Variants in FLNB observed in about 807,000 individuals in gnomAD.
The protein encoded by FLNB is filamin B.
A neutral mutation model predicts 250.6 loss-of-function variants in FLNB; 111 were observed. The ratio of observed to expected loss-of-function variants is 0.44; its 90% CI spans 0.38 to 0.52. FLNB has a LOEUF of 0.52. FLNB is among the 20% of genes least tolerant of loss of function. The pLI, the probability that FLNB is intolerant of heterozygous loss-of-function variation, is 0.00. For missense variants in FLNB, 2,869 were observed against 3,447.8 expected, an observed-to-expected ratio of 0.83 and a Z score of 4.20; for synonymous variants, 1,302 against 1,372.1, an observed-to-expected ratio of 0.95 and a Z score of 1.13.
chr3:58,087,554 A>G (rs2097219191), intron 4 of FLNB, among the ~76,000 whole-genome samples: 1 of 151,826 alleles, frequency 6.6e-6, no homozygotes, highest in South Asian at 2.1e-4. Context: ...CCCGGGTTCA[A>G]GCGTTCTCCT....
rs557255656 is a variant in FLNB at position 58,145,850 on chromosome 3, T to A, written c.5426-71T>A. On this transcript the variant is annotated intron_variant, in intron 32 of 45. Transcript: ENST00000295956. ...ACCTGTAGAGAGGTGGACGTCAAGA[T>A]GCCAGTTGTCCAGGGTCTTCGTTCA... 5.0e-6 allele frequency: 8 copies of A among 1,603,706 alleles called. No homozygotes were observed. In the Admixed American group the frequency reaches 1.2e-4, roughly 23 times the overall value.
chr3:58,072,751 G>A (rs891265509), intron 1 of FLNB, among the ~76,000 whole-genome samples: 1 of 152,112 alleles, frequency 6.6e-6, no homozygotes. Context: ...ACCATAAAGG[G>A]GGCTTTCCCG....
At chr3:58,150,657 C>T in intron 38 of FLNB, 1 of 274,516 alleles carries the variant, frequency 3.6e-6, no homozygotes, top group Non-Finnish European at 7.1e-6. Flanking sequence ...GGCTGTGCTG[C>T]AGAACTCGCT....
chr3:58,026,756 T>C (rs1177725135), intron 1 of FLNB, among the ~76,000 whole-genome samples: 4 of 152,224 alleles, frequency 2.6e-5, no homozygotes, highest in Admixed American at 2.6e-4. Context: ...CTGTTCATAA[T>C]TGGGCCAGAT....
At chr3:58,134,273 G>C (rs1413356492) in intron 26 of FLNB, among the ~76,000 whole-genome samples, 1 of 152,210 alleles carries the variant, frequency 6.6e-6, no homozygotes, top group Non-Finnish European at 1.5e-5. Flanking sequence ...CACACTCCTT[G>C]TGAGAATCTA....
intron 1 of FLNB, among the ~76,000 whole-genome samples, chr3:58,022,441 C>T (rs2097115479): frequency 1.3e-5 from 2 of 152,158 alleles, no homozygotes; most frequent in Non-Finnish European, 2.9e-5. Flanking sequence ...ATTCTCTGGA[C>T]ATCTGTGATT....
At chr3:58,013,954 C>A (rs2097102373) in intron 1 of FLNB, among the ~76,000 whole-genome samples, 1 of 152,222 alleles carries the variant, frequency 6.6e-6, no homozygotes. Flanking sequence ...TGGTTCAAAT[C>A]CCACTTGCCA....
intron 1 of FLNB, among the ~76,000 whole-genome samples, chr3:58,053,248 T>C (rs924495798): frequency 6.6e-6 from 1 of 152,184 alleles, no homozygotes; most frequent in Non-Finnish European, 1.5e-5. Flanking sequence ...ACATTATTAT[T>C]ATTTTTTAGA....
At chr3:58,045,999 CAAAAAAAAAAA>C (rs34327981) in intron 1 of FLNB, among the ~76,000 whole-genome samples, 1 of 68,972 alleles carries the variant, frequency 1.4e-5, no homozygotes, top group Non-Finnish European at 2.6e-5. Flanking sequence ...ACTCCGTCTC[CAAAAAAAAAAA>C]AAAAAAAAAA....
rs201624211 is a variant in FLNB, at chr3:58,098,674, G to A, written c.1148-37G>A. Reference sequence around the variant, plus strand: ...TCAGCAGCAGTGAGCTTTCAGAGAGGGTGACTTGGGCTCATGGAATGCTTG... The same window carrying A: ...TCAGCAGCAGTGAGCTTTCAGAGAGAGTGACTTGGGCTCATGGAATGCTTG... On this transcript the variant is annotated intron_variant, in intron 7 of 45. Coordinates refer to ENST00000295956, the MANE Select transcript of FLNB (RefSeq NM_001457.4). 5.1e-5 allele frequency: 82 copies of A among 1,606,914 alleles called. No homozygotes were observed. The East Asian group carries it at 1.3e-3, about 25-fold the overall frequency.
chr3:58,019,066 G>A (rs1205926771), intron 1 of FLNB, among the ~76,000 whole-genome samples: 1 of 152,040 alleles, frequency 6.6e-6, no homozygotes, highest in Admixed American at 6.6e-5. Context: ...GAGCCCAGGA[G>A]TTTGAGTCTG....
chr3:58,027,698 A>T lies in FLNB; in HGVS notation c.292+18842A>T, dbSNP rs548175386. Reference sequence around the variant, plus strand: ...ACTAGGTCTGTGTCCCCCAAGCTTCAATCATTTGTAAAGGAACCACCTTTA... The same window carrying T: ...ACTAGGTCTGTGTCCCCCAAGCTTCTATCATTTGTAAAGGAACCACCTTTA... On this transcript the variant is annotated intron_variant, in intron 1 of 45. Coordinates refer to ENST00000295956, the MANE Select transcript of FLNB (RefSeq NM_001457.4). 5.3e-5 allele frequency among the ~76,000 whole-genome samples: 8 copies of T among 152,288 alleles called. No homozygotes were observed. In the East Asian group the frequency reaches 1.5e-3, roughly 29 times the overall value.
At chr3:58,139,515 G>A (rs148059674) in intron 29 of FLNB, among the ~76,000 whole-genome samples, 24 of 152,292 alleles carry the variant, frequency 1.6e-4, no homozygotes, top group East Asian at 7.7e-4. Context: ...ACTTTCTTCC[G>A]AACAGTCTAT....
intron 1 of FLNB, among the ~76,000 whole-genome samples, chr3:58,062,615 C>G (rs1021111519): frequency 2.0e-5 from 3 of 152,228 alleles, no homozygotes; most frequent in African/African-American, 7.2e-5. Context: ...CCCAGCCTGG[C>G]CCCTGCAGAC....
chr3:58,086,159 C>CTT (rs10706045), intron 4 of FLNB, among the ~76,000 whole-genome samples: 1 of 141,548 alleles, frequency 7.1e-6, no homozygotes, highest in Non-Finnish European at 1.5e-5. Flanking sequence ...CCATGTCCAG[C>CTT]TTTTTTTTTT....
rs1034320617 is a variant in FLNB at position 58,070,158 on chromosome 3, G to A, written c.293-6888G>A. The stretch of plus-strand genomic sequence containing the variant: ...CGCCTCCTGGGTTCAAGTGATTTTC[G>A]TGCCTCAGCCTCCCAAGTAGCTGGG... On this transcript the variant is annotated intron_variant, in intron 1 of 45. Transcript: ENST00000295956. Among the ~76,000 whole-genome samples the A allele has an allele frequency of 9.4e-5, 14 of 149,162 alleles. 1 individual carries two copies. The highest frequency in any genetic ancestry group is 8.1e-4 in the Admixed American group (12 of 14,824).
chr3:58,164,106 T>A lies in FLNB; in HGVS notation c.7198+776T>A. The A allele has an allele frequency of 6.6e-6, 1 of 152,300 alleles. No individual in the cohort carries two copies. The highest frequency in any genetic ancestry group is 1.9e-4 in the East Asian group (1 of 5,198). 9.4% of individuals were successfully genotyped at this position (152,300 alleles called of 1,614,324 possible). A position where few individuals can be genotyped will look rare whatever the true frequency, so the allele number is the denominator to read the frequency against. ...TTCATTAGACAAGCAGACACAGAGT[T>A]TTGCTTTTGTCTTACAGAAAGAATC... On this transcript the variant is annotated intron_variant, in intron 43 of 45. Transcript: ENST00000295956. This position sits in a 1 kb window ranked among gnomAD's most constrained non-coding sequence, Gnocchi z 4.0.
chr3:58,043,047 A>G (rs1030430806), intron 1 of FLNB, among the ~76,000 whole-genome samples: 1 of 151,788 alleles, frequency 6.6e-6, no homozygotes, highest in African/African-American at 2.4e-5. Context: ...GAAATTTCCT[A>G]GAGTTTTGTC....
chr3:58,148,428 C>G (rs997187528), intron 35 of FLNB, 64 bp downstream of exon 35: 1 of 1,553,390 alleles, frequency 6.4e-7, no homozygotes, highest in Non-Finnish European at 8.8e-7. Context: ...GGGACTCTTG[C>G]AGTCCTTTCT....
Sources: allele counts gnomAD v4.1 joint callset (sites outside exome capture counted in the v4.1 genomes callset), GRCh38; gene constraint gnomAD v4.1.1; non-coding constraint Gnocchi (gnomAD v3.1); transcripts MANE v1.5; gene names NCBI Gene and HGNC (gene_info 2026-07-23, HGNC 2026-07-21).